Variants in WASL observed in about 807,000 individuals in gnomAD.
WASL encodes the protein WASP like actin nucleation promoting factor.
WASL carries 20 observed loss-of-function variants against 55.5 expected under a neutral mutation model. That is an observed-to-expected ratio of 0.36 (90% CI 0.25 to 0.52). The LOEUF (loss-of-function observed/expected upper bound fraction) is 0.52. Among genes scored for constraint, WASL ranks in the 20% least tolerant of loss-of-function variants. The pLI is 0.92. For synonymous variants in WASL, 249 were observed against 217.6 expected (o/e 1.14, Z -1.27); for missense variants, 504 against 622.5 (o/e 0.81, Z 2.03).
chr7:123,719,773 T>A (rs1337614554), intron 1 of WASL, among the ~76,000 whole-genome samples: 2 of 152,198 alleles, frequency 1.3e-5, no homozygotes, highest in African/African-American at 4.8e-5. Flanking sequence ...CATATTTTCA[T>A]ACTGTCTCTA....
chr7:123,728,330 G>A (rs1378631045), intron 1 of WASL, among the ~76,000 whole-genome samples: 1 of 152,154 alleles, frequency 6.6e-6, no homozygotes, highest in Non-Finnish European at 1.5e-5. Flanking sequence ...ATTTAAAACT[G>A]AGCAAACTTA....
chr7:123,696,798 T>C, intron 5 of WASL, 51 bp from the exon 6 acceptor site: 4 of 1,196,736 alleles, frequency 3.3e-6, no homozygotes, highest in Non-Finnish European at 4.4e-6. Context: ...AGATAACTGA[T>C]ATACAATCAT....
Position 123,692,810 on chromosome 7 carries a change from T to C in WASL, c.884A>G (p.His295Arg). ...AGGAGGAGGAGGAGGACCTGAGTTG[T>C]GTGGAGGGGGAGGAGGAGGAGGTGG... ...GGPPPPPPPP[H>R]NSGPPPPPAR... Residue 295 changes from histidine to arginine, a missense_variant, in exon 9 of 11, where the codon CAC becomes CGC. By Grantham distance (29) the His-to-Arg change is conservative. Transcript: ENST00000223023. 7.0e-7 allele frequency: 1 copy of C among 1,423,800 alleles called. No homozygotes were observed. The allele number at this position is 1,423,800 out of a possible 1,614,324, so 88.2% of individuals were successfully genotyped here. A position where few individuals can be genotyped will look rare whatever the true frequency, so the allele number is the denominator to read the frequency against.
intron 2 of WASL, among the ~76,000 whole-genome samples, chr7:123,708,596 C>T (rs1003684189): frequency 1.3e-5 from 2 of 152,010 alleles, no homozygotes; most frequent in African/African-American, 2.4e-5. Flanking sequence ...CTATGAAAAT[C>T]TGAATATATC....
intron 5 of WASL, among the ~76,000 whole-genome samples, chr7:123,700,487 C>CTGGA (rs1246329714): frequency 3.3e-4 from 50 of 151,428 alleles, no homozygotes; most frequent in African/African-American, 1.0e-3. Context: ...CTCGCCCAGG[C>CTGGA]TGGAGTGCAA....
At chr7:123,695,683 C>A (rs1356483557) in intron 7 of WASL, 140 bp downstream of exon 7, 3 of 718,550 alleles carry the variant, frequency 4.2e-6, no homozygotes, top group Non-Finnish European at 6.7e-6. Flanking sequence ...TGGTTTTAAA[C>A]CTCAGTTGTA....
At chr7:123,684,660 T>C (rs1179320270) in intron 10 of WASL, 80 bp from the exon 11 acceptor site, 9 of 1,367,510 alleles carry the variant, frequency 6.6e-6, no homozygotes, top group Non-Finnish European at 8.7e-6. Context: ...TCTCCAATTA[T>C]TTAACTCCTG....
At position 123,682,398 on chromosome 7, in the gene WASL, CT is replaced by C. The variant is rs1443495496; in HGVS notation, c.*2120del. The C allele has an allele frequency of 5.3e-5, 8 of 152,184 alleles. No homozygotes were observed. Among genetic ancestry groups the C allele is most frequent in the African/African-American group, 1.7e-4 (7 of 41,524 alleles). 9.4% of individuals were successfully genotyped at this position (152,184 alleles called of 1,614,324 possible). A position where few individuals can be genotyped will look rare whatever the true frequency, so the allele number is the denominator to read the frequency against. ...GACTTTTTGTAACAACAACCAATGTCTTTTTCTTCTTTAAGAAAAAAAGAAT... is the reference window on the plus strand; with the variant it reads ...GACTTTTTGTAACAACAACCAATGTCTTTTCTTCTTTAAGAAAAAAAGAAT... On this transcript the variant is annotated 3_prime_UTR_variant, in exon 11 of 11. Transcript: ENST00000223023.
chr7:123,731,135 T>C (rs1415369227), intron 1 of WASL, among the ~76,000 whole-genome samples: 1 of 152,160 alleles, frequency 6.6e-6, no homozygotes, highest in Admixed American at 6.5e-5. Context: ...TCAGGCAAAG[T>C]ATGCTTCAGA....
rs769998418 is a variant in WASL, at chr7:123,692,658, G to C, written c.1036C>G (p.Pro346Ala). ...PPPPNRMYPP[P>A]PPALPSSAPS... ...GCTGAGGAGGGAAGGGCTGGAGGTG[G>C]AGGAGGGTACATCCTATTTGGCGGT... The change falls in exon 9 of 11, where the codon CCA (proline) becomes GCA (alanine). Residue 346 changes from proline to alanine, a missense_variant. Pro to Ala is a conservative substitution (Grantham distance 27). Around this residue, in one of 5 missense-constraint regions of WASL, gnomAD observed 201 missense variants for 206.2 expected, o/e 0.97. Coordinates refer to ENST00000223023, the MANE Select transcript of WASL (RefSeq NM_003941.4). 7.7e-6 allele frequency: 12 copies of C among 1,565,622 alleles called. No homozygotes were observed. In the South Asian group the frequency reaches 1.4e-4, roughly 19 times the overall value.
chr7:123,720,851 A>G (rs1251709078), intron 1 of WASL, among the ~76,000 whole-genome samples: 1 of 151,990 alleles, frequency 6.6e-6, no homozygotes, highest in Non-Finnish European at 1.5e-5. Context: ...CCAAAAATTA[A>G]AAATTGATTT....
chr7:123,716,204 GTTTAT>G (rs1803838092), intron 1 of WASL, among the ~76,000 whole-genome samples: 1 of 151,970 alleles, frequency 6.6e-6, no homozygotes, highest in African/African-American at 2.4e-5. Context: ...TCACCAATCA[GTTTAT>G]TTTTATTTTT....
At chr7:123,708,746 T>C (rs1421742159) in intron 2 of WASL, among the ~76,000 whole-genome samples, 2 of 151,710 alleles carry the variant, frequency 1.3e-5, no homozygotes, top group Non-Finnish European at 2.9e-5. Context: ...CTATCTACGC[T>C]ATTCTATAAT....
chr7:123,747,128 C>T (rs904626878), intron 1 of WASL, among the ~76,000 whole-genome samples: 7 of 152,074 alleles, frequency 4.6e-5, no homozygotes, highest in African/African-American at 1.4e-4. Context: ...AAAAAAAATA[C>T]CCTTCTAAAA....
chr7:123,739,497 T>C (rs1192867437), intron 1 of WASL, among the ~76,000 whole-genome samples: 1 of 152,080 alleles, frequency 6.6e-6, no homozygotes, highest in Non-Finnish European at 1.5e-5. Flanking sequence ...CATGCAACCA[T>C]TTAGTTTTGT....
At chr7:123,729,587 T>C (rs917539332) in intron 1 of WASL, among the ~76,000 whole-genome samples, 5 of 152,184 alleles carry the variant, frequency 3.3e-5, no homozygotes, top group Non-Finnish European at 7.4e-5. Flanking sequence ...CAGGTTGATG[T>C]AAAGTTATGG....
At chr7:123,717,249 T>C (rs1019369005) in intron 1 of WASL, among the ~76,000 whole-genome samples, 1 of 152,170 alleles carries the variant, frequency 6.6e-6, no homozygotes, top group Non-Finnish European at 1.5e-5. Context: ...TTGTTTGTCC[T>C]GGGGAAAAGA....
Position 123,689,006 on chromosome 7 carries a change from GTCTCTCTCTCTCTCTCTCTCTC to G in WASL, c.1456+14_1456+35del. On this transcript the variant is annotated intron_variant, in intron 10 of 10. Transcript: ENST00000223023. The stretch of plus-strand genomic sequence containing the variant: ...TTAAACACACACGCACACTCTCTCT[GTCTCTCTCTCTCTCTCTCTCTC>G]TCTCTCTCTCTACCTGAAGAATGAA... The G allele has an allele frequency of 7.8e-7, 1 of 1,277,862 alleles. No homozygotes were observed. The highest frequency in any genetic ancestry group is 1.1e-6 in the Non-Finnish European group (1 of 893,530). The allele number at this position is 1,277,862 out of a possible 1,614,324, so 79.2% of individuals were successfully genotyped here.
chr7:123,692,755 T>C lies in WASL; in HGVS notation c.939A>G (p.Pro313=). ...GTGCAGCTGTGGGAGCTCTTGAAGGTGGTGGGGGAGGAGCGCCTCTTCCCC... is the reference window on the plus strand; with the variant it reads ...GTGCAGCTGTGGGAGCTCTTGAAGGCGGTGGGGGAGGAGCGCCTCTTCCCC... ...PARGRGAPPP[P]PSRAPTAAPP... is the part of the protein sequence containing the mutation. The change falls in exon 9 of 11, where the codon CCA becomes CCG. Residue 313 remains proline, a synonymous_variant. Transcript: ENST00000223023. 6.7e-7 allele frequency: 1 copy of C among 1,490,930 alleles called. No individual in the cohort carries two copies. Among genetic ancestry groups the C allele is most frequent in the Non-Finnish European group, 8.9e-7 (1 of 1,121,808 alleles). 92.4% of individuals were successfully genotyped at this position (1,490,930 alleles called of 1,614,324 possible).
Sources: allele counts gnomAD v4.1 joint callset (sites outside exome capture counted in the v4.1 genomes callset), GRCh38; gene constraint gnomAD v4.1.1; regional missense constraint gnomAD v4.1.1; transcripts MANE v1.5; gene names NCBI Gene and HGNC (gene_info 2026-07-23, HGNC 2026-07-21).